Variants in STIM1 observed in about 807,000 individuals in gnomAD.
The protein encoded by STIM1 is stromal interaction molecule 1.
STIM1 carries 25 observed loss-of-function variants against 74.7 expected under a neutral mutation model. The observed-to-expected ratio is 0.33, with a 90% CI of 0.24 to 0.47. STIM1 has a LOEUF of 0.47. Among genes scored for constraint, STIM1 ranks in the 20% least tolerant of loss-of-function variants. The pLI is 1.00. For synonymous variants in STIM1, 328 were observed against 348.8 expected, an observed-to-expected ratio of 0.94 and a Z score of 0.66; for missense variants, 728 against 920.8, an observed-to-expected ratio of 0.79 and a Z score of 2.71.
chr11:4,088,327 C>A (rs1459127844), intron 12 of STIM1, among the ~76,000 whole-genome samples: 1 of 152,158 alleles, frequency 6.6e-6, no homozygotes, highest in Non-Finnish European at 1.5e-5. Context: ...CTGCAGTCTG[C>A]TTACTCTGTT....
intron 1 of STIM1, among the ~76,000 whole-genome samples, chr11:3,937,780 C>T (rs544810483): frequency 2.6e-5 from 4 of 152,250 alleles, no homozygotes; most frequent in African/African-American, 7.2e-5. Context: ...AGAAGTGTTT[C>T]TAGCTTCCAC....
At chr11:4,066,343 C>T (rs2094365332) in intron 5 of STIM1, among the ~76,000 whole-genome samples, 1 of 152,198 alleles carries the variant, frequency 6.6e-6, no homozygotes, top group African/African-American at 2.4e-5. Flanking sequence ...TCTCCAGGAG[C>T]TGGCATTTGC....
intron 3 of STIM1, among the ~76,000 whole-genome samples, chr11:4,025,048 G>A (rs1342127205): frequency 6.6e-6 from 1 of 152,180 alleles, no homozygotes; most frequent in Non-Finnish European, 1.5e-5. Flanking sequence ...AGGCCTAGAT[G>A]TATAAAGTTA....
chr11:3,873,279 G>T (rs1199154512), intron 1 of STIM1, among the ~76,000 whole-genome samples: 1 of 151,946 alleles, frequency 6.6e-6, no homozygotes, highest in Admixed American at 6.6e-5. Flanking sequence ...TTAGCTGAGC[G>T]TGGTGGCGCA....
At position 4,091,963 on chromosome 11, in the gene STIM1, C is replaced by A. The variant is rs2094527819; in HGVS notation, c.*165C>A. The A allele has an allele frequency of 2.1e-6, 2 of 956,792 alleles. No individual in the cohort carries two copies. Among genetic ancestry groups the A allele is most frequent in the African/African-American group, 3.3e-5 (2 of 61,264 alleles). 59.3% of individuals were successfully genotyped at this position (956,792 alleles called of 1,614,324 possible). ...CCTGCCCCCTCATCCTTGGGTCCTT[C>A]ATTATTATTTATTAACTGACCACCA... On this transcript the variant is annotated 3_prime_UTR_variant, in exon 13 of 13. Coordinates refer to ENST00000526596, the MANE Select transcript of STIM1 (RefSeq NM_001382567.1).
chr11:3,870,700 G>A (rs1375132748), intron 1 of STIM1, among the ~76,000 whole-genome samples: 1 of 151,848 alleles, frequency 6.6e-6, no homozygotes, highest in African/African-American at 2.4e-5. Context: ...GTCTCACCAT[G>A]TTGCCCAGGC....
At chr11:3,919,332 A>AGCCT (rs2135514605) in intron 1 of STIM1, among the ~76,000 whole-genome samples, 1 of 152,088 alleles carries the variant, frequency 6.6e-6, no homozygotes, top group Admixed American at 6.5e-5. Flanking sequence ...CAGCCTCCCG[A>AGCCT]GTAGCTGGGA....
At chr11:3,958,918 C>A (rs570145000) in intron 1 of STIM1, among the ~76,000 whole-genome samples, 54 of 150,774 alleles carry the variant, frequency 3.6e-4, no homozygotes, top group African/African-American at 1.1e-3. Flanking sequence ...GCACTCCAGC[C>A]TGGGCCTGGG....
Position 4,086,544 on chromosome 11 carries a change from G to A in STIM1, c.1634+1G>A, listed in dbSNP as rs1427379864. 6.2e-7 allele frequency: 1 copy of A among 1,614,132 alleles called. No individual in the cohort carries two copies. The highest frequency in any genetic ancestry group is 2.2e-5 in the East Asian group (1 of 44,880). On this transcript the variant is annotated splice_donor_variant, in intron 12 of 12. Coordinates refer to ENST00000526596, the MANE Select transcript of STIM1 (RefSeq NM_001382567.1). LOFTEE classifies it high-confidence loss of function. ...CACAGCATGGCCTGGGATCTCAGAGGTTGGTAGAGGGCGAGGCTGGCCACT... is the reference window on the plus strand; with the variant it reads ...CACAGCATGGCCTGGGATCTCAGAGATTGGTAGAGGGCGAGGCTGGCCACT...
intron 1 of STIM1, among the ~76,000 whole-genome samples, chr11:3,904,278 C>T (rs1030063714): frequency 6.6e-6 from 1 of 150,580 alleles, no homozygotes; most frequent in Non-Finnish European, 1.5e-5. Flanking sequence ...ATCAAAGATG[C>T]CACCCTGTAA....
intron 2 of STIM1, among the ~76,000 whole-genome samples, chr11:4,010,366 T>G (rs2135954331): frequency 6.6e-6 from 1 of 152,098 alleles, no homozygotes; most frequent in African/African-American, 2.4e-5. Context: ...AGGCAGGGTT[T>G]CACAGTGTTG....
intron 12 of STIM1, among the ~76,000 whole-genome samples, chr11:4,090,260 C>T (rs1009638967): frequency 5.9e-5 from 9 of 152,206 alleles, no homozygotes; most frequent in African/African-American, 2.2e-4. Context: ...GTATTATCTT[C>T]ATTAGGCCAA....
chr11:4,069,891 A>G (rs775460287), intron 5 of STIM1, 135 bp from the exon 6 acceptor site: 9 of 945,846 alleles, frequency 9.5e-6, no homozygotes, highest in Middle Eastern at 3.1e-4. Flanking sequence ...TGTATCTAAG[A>G]AGAGAAACTA....
intron 1 of STIM1, among the ~76,000 whole-genome samples, chr11:3,899,877 A>G (rs1041705268): frequency 3.3e-5 from 5 of 151,868 alleles, no homozygotes; most frequent in Non-Finnish European, 7.4e-5. Context: ...CCACTTGATC[A>G]TGGTGGATAA....
At chr11:3,893,948 T>G (rs1193031460) in intron 1 of STIM1, among the ~76,000 whole-genome samples, 2 of 152,130 alleles carry the variant, frequency 1.3e-5, no homozygotes, top group Non-Finnish European at 1.5e-5. Context: ...CCTAGCTAAC[T>G]TTTGTATTTT....
intron 2 of STIM1, among the ~76,000 whole-genome samples, chr11:4,001,964 C>T (rs374019430): frequency 7.4e-6 from 1 of 134,470 alleles, no homozygotes; most frequent in Non-Finnish European, 1.6e-5. Flanking sequence ...AGACTTTAAA[C>T]CAACAAAGAT....
chr11:4,047,820 C>CTTT (rs551025610), intron 3 of STIM1, among the ~76,000 whole-genome samples: 5 of 133,064 alleles, frequency 3.8e-5, no homozygotes, highest in African/African-American at 8.3e-5. Flanking sequence ...ACCTGTCTCT[C>CTTT]TTTTTTTTTT....
intron 5 of STIM1, among the ~76,000 whole-genome samples, chr11:4,060,478 A>G (rs2094322988): frequency 6.6e-6 from 1 of 152,254 alleles, no homozygotes; most frequent in Non-Finnish European, 1.5e-5. Context: ...ACTTTTTGAA[A>G]GTATGAAACA....
intron 2 of STIM1, among the ~76,000 whole-genome samples, chr11:4,005,401 C>G (rs2093768009): frequency 1.3e-5 from 2 of 151,978 alleles, no homozygotes; most frequent in Admixed American, 1.3e-4. Context: ...TACTATGCAG[C>G]CATAAAAGAT....
Sources: allele counts gnomAD v4.1 joint callset (sites outside exome capture counted in the v4.1 genomes callset), GRCh38; gene constraint gnomAD v4.1.1; transcripts MANE v1.5; gene names NCBI Gene and HGNC (gene_info 2026-07-23, HGNC 2026-07-21).